ACSBG1: variants seen among roughly 807,000 people sequenced by gnomAD.
ACSBG1 encodes the protein long-chain-fatty-acid--CoA ligase ACSBG1.
A neutral mutation model predicts 80.2 loss-of-function variants in ACSBG1; 39 were observed. The observed-to-expected ratio is 0.49, with a 90% CI of 0.38 to 0.64. ACSBG1 has a LOEUF of 0.64. ACSBG1 is among the 30% of genes least tolerant of loss of function. The pLI, the probability that ACSBG1 is intolerant of heterozygous loss-of-function variation, is 0.00. For synonymous variants in ACSBG1, 392 were observed against 379.5 expected (o/e 1.03, Z -0.38); for missense variants, 828 against 966.4 (o/e 0.86, Z 1.90).
chr15:78,196,079 G>T (rs1341705182), intron 2 of ACSBG1, among the ~76,000 whole-genome samples: 1 of 152,194 alleles, frequency 6.6e-6, no homozygotes, highest in African/African-American at 2.4e-5. Flanking sequence ...CAGCCTGCAG[G>T]AAATGCAGGC....
intron 1 of ACSBG1, among the ~76,000 whole-genome samples, chr15:78,219,557 T>A (rs543353810): frequency 6.6e-6 from 1 of 152,324 alleles, no homozygotes; most frequent in East Asian, 1.9e-4. Flanking sequence ...AGATATCTCA[T>A]GATCGAGAGA....
intron 1 of ACSBG1, among the ~76,000 whole-genome samples, chr15:78,214,406 C>T (rs2075291635): frequency 1.3e-5 from 2 of 152,144 alleles, no homozygotes; most frequent in Admixed American, 1.3e-4. Context: ...GGAGGCAGCC[C>T]TAGCTAGTGT....
chr15:78,207,196 G>A (rs964801650), intron 2 of ACSBG1, among the ~76,000 whole-genome samples: 2 of 152,020 alleles, frequency 1.3e-5, no homozygotes, highest in Non-Finnish European at 2.9e-5. Context: ...GAAACCAGTT[G>A]GTCCTCTTCT....
chr15:78,178,502 G>C lies in ACSBG1; in HGVS notation c.1702+112C>G. 2 of 1,197,276 alleles carry C rather than the reference G, an allele frequency of 1.7e-6. No homozygotes were observed. Among genetic ancestry groups the C allele is most frequent in the Non-Finnish European group, 2.3e-6 (2 of 879,092 alleles). 74.2% of individuals were successfully genotyped at this position (1,197,276 alleles called of 1,614,324 possible). A position where few individuals can be genotyped will look rare whatever the true frequency, so the allele number is the denominator to read the frequency against. ...TTTTTAGTAGAGATGGGGTTTCGCT[G>C]TGCTGCCCAGGGTGGTCTTGAACTC... On this transcript the variant is annotated intron_variant, in intron 11 of 13. Transcript: ENST00000258873. The surrounding 1 kb of genome is among the most constrained non-coding windows in gnomAD (Gnocchi z 4.3).
At position 78,177,140 on chromosome 15, in the gene ACSBG1, C is replaced by T. The variant is rs2074890212; in HGVS notation, c.1702+1474G>A. Among the ~76,000 whole-genome samples the T allele has an allele frequency of 6.6e-6, 1 of 152,050 alleles. No homozygotes were observed. Among genetic ancestry groups the T allele is most frequent in the African/African-American group, 2.4e-5 (1 of 41,406 alleles). On this transcript the variant is annotated intron_variant, in intron 11 of 13. Coordinates refer to ENST00000258873, the MANE Select transcript of ACSBG1 (RefSeq NM_015162.5). The surrounding 1 kb of genome is among the most constrained non-coding windows in gnomAD (Gnocchi z 4.1). The stretch of plus-strand genomic sequence containing the variant: ...GTTTTTGAGGAAACATATAATGATT[C>T]TAAAATTCATATGGAAATGAAAATG...
At chr15:78,195,985 G>A (rs1477429695) in intron 2 of ACSBG1, among the ~76,000 whole-genome samples, 5 of 152,220 alleles carry the variant, frequency 3.3e-5, no homozygotes, top group Admixed American at 6.5e-5. Flanking sequence ...CTGGGGGCTG[G>A]GACAGGAGAG....
intron 5 of ACSBG1, among the ~76,000 whole-genome samples, chr15:78,185,705 C>T (rs1226811990): frequency 6.6e-6 from 1 of 151,924 alleles, no homozygotes; most frequent in Non-Finnish European, 1.5e-5. Context: ...TAGGATACAA[C>T]ATAACCAAAT....
In ACSBG1 at chr15:78,198,839, A is replaced by G. The variant is rs575129381; in HGVS notation, c.233-4113T>C. On this transcript the variant is annotated intron_variant, in intron 2 of 13. Transcript: ENST00000258873. ...GCAGGGGAGAGAGATCATCTTATTA[A>G]TGTATTAATCACAGGTAGCAAACCC... 1.6e-4 allele frequency among the ~76,000 whole-genome samples: 25 copies of G among 152,314 alleles called. 2 individuals carry two copies. The South Asian group carries it at 5.0e-3, about 30-fold the overall frequency.
At chr15:78,182,246 CT>C in intron 7 of ACSBG1, 101 bp from the exon 8 acceptor site, 1 of 1,457,226 alleles carries the variant, frequency 6.9e-7, no homozygotes, top group Non-Finnish European at 9.2e-7. Context: ...GTGGTGCCCC[CT>C]GTGGCGATTC....
chr15:78,197,719 TAAAAAAAAAA>T (rs746712543), intron 2 of ACSBG1, among the ~76,000 whole-genome samples: 1 of 103,368 alleles, frequency 9.7e-6, no homozygotes, highest in African/African-American at 3.7e-5. Context: ...ACTCTGTCTT[TAAAAAAAAAA>T]AAAAAAAAAA....
At chr15:78,185,365 C>A (rs1468664280) in intron 5 of ACSBG1, among the ~76,000 whole-genome samples, 1 of 152,100 alleles carries the variant, frequency 6.6e-6, no homozygotes, top group Non-Finnish European at 1.5e-5. Flanking sequence ...TGGAGGGACC[C>A]CATCAGGCAT....
At chr15:78,205,350 C>A (rs1012437868) in intron 2 of ACSBG1, among the ~76,000 whole-genome samples, 1 of 152,006 alleles carries the variant, frequency 6.6e-6, no homozygotes, top group Non-Finnish European at 1.5e-5. Flanking sequence ...TGGGAGCCTC[C>A]GAGGGCTCCA....
In ACSBG1 at chr15:78,234,431, G is replaced by T. The variant is rs761076683; in HGVS notation, c.71C>A (p.Thr24Asn). The T allele has an allele frequency of 2.9e-5, 47 of 1,612,978 alleles. No homozygotes were observed. Among genetic ancestry groups the T allele is most frequent in the South Asian group, 6.6e-5 (6 of 91,086 alleles). ...GDPSMLDSRE[T>N]PQESRQDMIV... Reference sequence around the variant, plus strand: ...CATGTCCTGCCGGCTCTCCTGTGGGGTCTCTCTGCTGTCCAGCATGCTGGG... The same window carrying T: ...CATGTCCTGCCGGCTCTCCTGTGGGTTCTCTCTGCTGTCCAGCATGCTGGG... Residue 24 changes from threonine (T) to asparagine (N), a missense_variant, in exon 1 of 14, where the codon ACC becomes AAC. Physicochemically the swap from Thr to Asn is moderately conservative, Grantham distance 65. This residue lies in a region of ACSBG1 where 356 missense variants were observed against 363.5 expected (regional missense o/e 0.98). Coordinates refer to ENST00000258873, the MANE Select transcript of ACSBG1 (RefSeq NM_015162.5).
intron 8 of ACSBG1, 26 bp from the exon 9 acceptor site, chr15:78,180,962 T>C: frequency 6.2e-7 from 1 of 1,606,226 alleles, no homozygotes; most frequent in Non-Finnish European, 8.5e-7. Context: ...GAGGCAGGCC[T>C]GTTGGGTCAG....
chr15:78,229,273 TAAC>T (rs1468159986), intron 1 of ACSBG1, among the ~76,000 whole-genome samples: 1 of 152,212 alleles, frequency 6.6e-6, no homozygotes, highest in Non-Finnish European at 1.5e-5. Flanking sequence ...AATGCATTCT[TAAC>T]AAAAACAAAG....
At chr15:78,187,789 A>G (rs978416321) in intron 5 of ACSBG1, among the ~76,000 whole-genome samples, 2 of 151,946 alleles carry the variant, frequency 1.3e-5, no homozygotes, top group Non-Finnish European at 2.9e-5. Context: ...CTCTCTCACC[A>G]CTCCTATTCA....
chr15:78,218,034 T>C (rs964522902), intron 1 of ACSBG1, among the ~76,000 whole-genome samples: 5 of 152,264 alleles, frequency 3.3e-5, no homozygotes, highest in African/African-American at 9.6e-5. Context: ...AAGCAAAGGC[T>C]ACTAGAAAAT....
At chr15:78,211,143 G>T (rs1595897825) in intron 1 of ACSBG1, among the ~76,000 whole-genome samples, 1 of 152,342 alleles carries the variant, frequency 6.6e-6, no homozygotes, top group South Asian at 2.1e-4. Context: ...TTGGGAAGCT[G>T]CCCCTACTCT....
chr15:78,181,971 T>G lies in ACSBG1; in HGVS notation c.1069A>C (p.Lys357Gln), dbSNP rs772027858. 3.3e-5 allele frequency: 54 copies of G among 1,613,466 alleles called. No homozygotes were observed. Among genetic ancestry groups the G allele is most frequent in the Admixed American group, 6.7e-5 (4 of 59,954 alleles). Reference protein sequence around the residue: ...QVCFAEPDALKGSLVNTLREV... With the variant: ...QVCFAEPDALQGSLVNTLREV... Reference sequence around the variant, plus strand: ...ACACACGGTAAAGGCAGACTGACCTTCAGGGCGTCGGGTTCGGCAAAGCAA... The same window carrying G: ...ACACACGGTAAAGGCAGACTGACCTGCAGGGCGTCGGGTTCGGCAAAGCAA... The change falls in exon 8 of 14, where the codon AAG becomes CAG. Residue 357 changes from lysine to glutamine, a missense_variant and splice_region_variant. Lys to Gln is a moderately conservative substitution (Grantham distance 53, BLOSUM62 1). Transcript: ENST00000258873.
Sources: allele counts gnomAD v4.1 joint callset (sites outside exome capture counted in the v4.1 genomes callset), GRCh38; gene constraint gnomAD v4.1.1; regional missense constraint gnomAD v4.1.1; non-coding constraint Gnocchi (gnomAD v3.1); transcripts MANE v1.5; gene names NCBI Gene and HGNC (gene_info 2026-07-23, HGNC 2026-07-21).